NPAS3: variants seen among roughly 807,000 people sequenced by gnomAD.
NPAS3 encodes neuronal PAS domain protein 3.
A neutral mutation model predicts 73.1 loss-of-function variants in NPAS3; 14 were observed. The observed-to-expected ratio is 0.19, with a 90% CI of 0.13 to 0.30. NPAS3 has a LOEUF of 0.30. Among genes scored for constraint, NPAS3 ranks in the 10% least tolerant of loss-of-function variants. The probability of loss-of-function intolerance (pLI) is 1.00; values close to 1 mark genes in which losing one functional copy is unlikely to be tolerated. For missense variants in NPAS3, 1,096 were observed against 1,250.0 expected (o/e 0.88, Z 1.86); for synonymous variants, 620 against 541.5 (o/e 1.14, Z -2.01).
chr14:33,714,438 AC>A (rs35147850), intron 6 of NPAS3, among the ~76,000 whole-genome samples: 1 of 152,232 alleles, frequency 6.6e-6, no homozygotes, highest in East Asian at 1.9e-4. Context: ...GGACAACTGG[AC>A]CCCATGATGG....
intron 2 of NPAS3, among the ~76,000 whole-genome samples, chr14:33,115,548 C>T (rs1203248907): frequency 6.6e-6 from 1 of 152,076 alleles, no homozygotes; most frequent in Non-Finnish European, 1.5e-5. Flanking sequence ...ATGAAAAGGA[C>T]TGTGTGTGTC....
At chr14:33,176,259 G>A (rs530837460) in intron 2 of NPAS3, among the ~76,000 whole-genome samples, 1 of 152,240 alleles carries the variant, frequency 6.6e-6, no homozygotes, top group East Asian at 1.9e-4. Flanking sequence ...ACCTTTTTAT[G>A]TATACAGTGG....
chr14:33,494,138 T>C (rs984784990), intron 4 of NPAS3, among the ~76,000 whole-genome samples: 2 of 152,152 alleles, frequency 1.3e-5, no homozygotes, highest in Non-Finnish European at 2.9e-5. Flanking sequence ...TTGTGTCAGC[T>C]GAGCTCTCTG....
At chr14:32,958,986 A>G (rs886243386) in intron 1 of NPAS3, among the ~76,000 whole-genome samples, 2 of 136,162 alleles carry the variant, frequency 1.5e-5, no homozygotes, top group African/African-American at 2.9e-5. Context: ...TGGGCCACAC[A>G]TAAAATACAC....
downstream of NPAS3, chr14:33,802,207 T>A (rs2063729231): frequency 6.6e-6 from 1 of 151,962 alleles, no homozygotes; most frequent in Non-Finnish European, 1.5e-5. Flanking sequence ...TTTTTTTCAT[T>A]TCTTGCTTAA....
intron 5 of NPAS3, among the ~76,000 whole-genome samples, chr14:33,566,434 C>T (rs1024876460): frequency 2.6e-5 from 4 of 152,066 alleles, no homozygotes; most frequent in African/African-American, 9.7e-5. Context: ...TTGAACTGCT[C>T]GTTCTTCCCC....
intron 3 of NPAS3, among the ~76,000 whole-genome samples, chr14:33,326,426 T>A (rs975835190): frequency 6.6e-6 from 1 of 152,214 alleles, no homozygotes; most frequent in African/African-American, 2.4e-5. Flanking sequence ...ATACTTTAGC[T>A]CTGTCAACTT....
At chr14:33,101,610 T>C (rs2042579375) in intron 2 of NPAS3, among the ~76,000 whole-genome samples, 1 of 152,156 alleles carries the variant, frequency 6.6e-6, no homozygotes, top group South Asian at 2.1e-4. Context: ...ATATTGGCAG[T>C]GGAGTCTGTT....
At chr14:33,320,413 G>A (rs905030584) in intron 3 of NPAS3, among the ~76,000 whole-genome samples, 43 of 152,196 alleles carry the variant, frequency 2.8e-4, no homozygotes, top group African/African-American at 7.9e-4. Context: ...CGTTGTGCAC[G>A]TGTACCCTAG....
intron 6 of NPAS3, among the ~76,000 whole-genome samples, chr14:33,694,445 T>G (rs1278076746): frequency 6.6e-6 from 1 of 152,304 alleles, no homozygotes; most frequent in Middle Eastern, 3.4e-3. Context: ...GGAACCTGCG[T>G]ATAACATTTC....
intron 3 of NPAS3, among the ~76,000 whole-genome samples, chr14:33,217,539 A>G (rs1168191850): frequency 6.6e-6 from 1 of 152,202 alleles, no homozygotes; most frequent in Non-Finnish European, 1.5e-5. Flanking sequence ...ATATTATTCA[A>G]ATGAAATGAT....
At chr14:33,503,217 T>C (rs2052601220) in intron 4 of NPAS3, among the ~76,000 whole-genome samples, 1 of 151,932 alleles carries the variant, frequency 6.6e-6, no homozygotes. Context: ...CTGGAATATA[T>C]AACAATATCA....
intron 7 of NPAS3, among the ~76,000 whole-genome samples, chr14:33,762,617 G>C (rs1320336595): frequency 6.6e-6 from 1 of 151,972 alleles, no homozygotes; most frequent in Non-Finnish European, 1.5e-5. Flanking sequence ...AAAGACATAC[G>C]AATAGCAGCG....
At chr14:32,994,103 G>T (rs892937165) in intron 1 of NPAS3, among the ~76,000 whole-genome samples, 2 of 152,182 alleles carry the variant, frequency 1.3e-5, no homozygotes, top group Non-Finnish European at 1.5e-5. Context: ...AGAGCAGCTG[G>T]TGTTTTCTGG....
chr14:33,793,845 T>A, intron 9 of NPAS3, 52 bp from the exon 10 acceptor site: 1 of 1,540,216 alleles, frequency 6.5e-7, no homozygotes, highest in Non-Finnish European at 8.7e-7. Context: ...AAAAAAAAAG[T>A]TATTTGATCC....
intron 5 of NPAS3, among the ~76,000 whole-genome samples, chr14:33,621,466 A>G (rs2058072575): frequency 6.6e-6 from 1 of 152,068 alleles, no homozygotes; most frequent in African/African-American, 2.4e-5. Context: ...ATATTTAAAA[A>G]TTATTTATAA....
intron 6 of NPAS3, among the ~76,000 whole-genome samples, chr14:33,688,996 G>A (rs1257926522): frequency 2.0e-5 from 3 of 152,174 alleles, no homozygotes; most frequent in Admixed American, 6.5e-5. Context: ...TAACTTGCAG[G>A]TTACCCTAAT....
chr14:33,490,598 C>T (rs1460515433), intron 4 of NPAS3, among the ~76,000 whole-genome samples: 1 of 152,086 alleles, frequency 6.6e-6, no homozygotes, highest in African/African-American at 2.4e-5. Context: ...GCAACCAGAC[C>T]TCGTTGGTTG....
chr14:33,441,767 A>G (rs1566906616), intron 4 of NPAS3, among the ~76,000 whole-genome samples: 1 of 152,216 alleles, frequency 6.6e-6, no homozygotes, highest in African/African-American at 2.4e-5. Flanking sequence ...AGGCCTCACA[A>G]TCATGGCTGA....
Sources: gnomAD v4.1 joint callset for allele counts (sites outside exome capture counted in the v4.1 genomes callset) on GRCh38, gnomAD v4.1.1 for gene constraint, MANE v1.5 for transcripts, NCBI Gene and HGNC (gene_info 2026-07-23, HGNC 2026-07-21) for gene names.